The following NRXN1 variants were observed in gnomAD, a reference collection of about 807,000 sequenced individuals.
The protein encoded by NRXN1 is neurexin-1.
A neutral mutation model predicts 150.9 loss-of-function variants in NRXN1; 39 were observed. That is an observed-to-expected ratio of 0.26 (90% CI 0.20 to 0.34). The LOEUF (loss-of-function observed/expected upper bound fraction) is 0.34, where lower values mean the gene tolerates loss of function less well. NRXN1 is among the 10% of genes least tolerant of loss of function. The pLI, the probability that NRXN1 is intolerant of heterozygous loss-of-function variation, is 1.00. For synonymous variants in NRXN1, 924 were observed against 757.0 expected (o/e 1.22, Z -3.62); for missense variants, 1,815 against 1,949.9 (o/e 0.93, Z 1.30).
chr2:50,101,658 C>G (rs547790464), intron 18 of NRXN1, among the ~76,000 whole-genome samples: 82 of 152,084 alleles, frequency 5.4e-4, no homozygotes, highest in African/African-American at 1.9e-3. Context: ...GACGTGAAAA[C>G]ATATCAAGAG....
intron 2 of NRXN1, among the ~76,000 whole-genome samples, chr2:50,931,724 T>A (rs1273801238): frequency 2.0e-5 from 3 of 152,134 alleles, no homozygotes; most frequent in Admixed American, 6.6e-5. Context: ...TATTTACATG[T>A]GTCAGTTTAT....
chr2:51,026,251 AGCCACAAATGCCATTTATC>A, intron 2 of NRXN1: 1 of 686,572 alleles, frequency 1.5e-6, no homozygotes, highest in South Asian at 1.7e-5. Flanking sequence ...CACCCATTTC[AGCCACAAATGCCATTTATC>A]CATGTGTTGA....
chr2:50,347,755 A>C lies in NRXN1; in HGVS notation c.3365-110785T>G. 2.0e-6 allele frequency: 2 copies of C among 986,570 alleles called. No homozygotes were observed. The highest frequency in any genetic ancestry group is 2.4e-6 in the Non-Finnish European group (2 of 830,768). The allele number at this position is 986,570 out of a possible 1,614,324, so 61.1% of individuals were successfully genotyped here. A position where few individuals can be genotyped will look rare whatever the true frequency, so the allele number is the denominator to read the frequency against. The stretch of plus-strand genomic sequence containing the variant: ...GAAAAAGAAAAAGAAAAAGAAAAAA[A>C]GAAAAGAAAAACCACACACGCTGGT... On this transcript the variant is annotated intron_variant, in intron 17 of 22. Transcript: ENST00000401669. The surrounding 1 kb of genome is among the most constrained non-coding windows in gnomAD (Gnocchi z 4.9).
At chr2:50,465,634 C>A in intron 16 of NRXN1, 73 bp from the exon 17 acceptor site, 2 of 1,468,026 alleles carry the variant, frequency 1.4e-6, no homozygotes, top group Non-Finnish European at 1.8e-6. Flanking sequence ...AGCTAGATCA[C>A]ATGTAGTAGT....
chr2:50,843,770 A>C (rs1238641295), intron 5 of NRXN1, among the ~76,000 whole-genome samples: 2 of 152,168 alleles, frequency 1.3e-5, no homozygotes, highest in African/African-American at 4.8e-5. Context: ...AAAACTCCCA[A>C]AAGACTCATC....
intron 17 of NRXN1, among the ~76,000 whole-genome samples, chr2:50,382,775 A>G (rs1167323776): frequency 3.9e-5 from 6 of 152,248 alleles, no homozygotes; most frequent in African/African-American, 1.4e-4. Flanking sequence ...GAGTGGGAAG[A>G]CAGACATACG....
chr2:50,861,210 G>T lies in NRXN1; in HGVS notation c.832+60659C>A, dbSNP rs1481563897. ...TCACCATGGAATTCTAGAGCAGCAA[G>T]GAAGTGCAGATCTTATTATTTTGAG... On this transcript the variant is annotated intron_variant, in intron 5 of 22. Transcript: ENST00000401669. Among the ~76,000 whole-genome samples the T allele has an allele frequency of 2.6e-5, 4 of 152,096 alleles. No homozygotes were observed. The East Asian group carries it at 7.8e-4, about 30-fold the overall frequency.
intron 17 of NRXN1, among the ~76,000 whole-genome samples, chr2:50,407,226 T>C (rs1009531204): frequency 6.6e-6 from 1 of 152,210 alleles, no homozygotes; most frequent in African/African-American, 2.4e-5. Flanking sequence ...AAAGATCAAC[T>C]TCTTAAAACA....
intron 2 of NRXN1, among the ~76,000 whole-genome samples, chr2:50,990,888 G>C (rs879287807): frequency 3.3e-5 from 5 of 151,998 alleles, no homozygotes; most frequent in African/African-American, 1.2e-4. Context: ...TCTGGGATAA[G>C]TAACAACAGA....
intron 17 of NRXN1, among the ~76,000 whole-genome samples, chr2:50,369,659 G>C (rs1402122): frequency 0.57 from 85,929 of 151,758 alleles, 26,555 homozygotes; most frequent in East Asian, 0.92. Context: ...CCTGTTGTCT[G>C]AAACACCTAC....
intron 17 of NRXN1, among the ~76,000 whole-genome samples, chr2:50,276,003 G>A (rs71407587): frequency 0.02 from 1,876 of 94,830 alleles, 18 homozygotes; most frequent in Non-Finnish European, 0.029. Context: ...AAAAAAAAAA[G>A]CCCAGTCTGC....
At chr2:50,682,200 G>A (rs1184225432) in intron 5 of NRXN1, among the ~76,000 whole-genome samples, 1 of 152,096 alleles carries the variant, frequency 6.6e-6, no homozygotes, top group Non-Finnish European at 1.5e-5. Context: ...TTGCAAACTG[G>A]GTGAGACTAT....
At chr2:50,216,729 G>A (rs1323006628) in intron 18 of NRXN1, among the ~76,000 whole-genome samples, 1 of 151,986 alleles carries the variant, frequency 6.6e-6, no homozygotes, top group Non-Finnish European at 1.5e-5. Flanking sequence ...GCATATGCTA[G>A]TTGGGTGGAA....
At chr2:50,207,913 G>A (rs1191675295) in intron 18 of NRXN1, among the ~76,000 whole-genome samples, 1 of 152,044 alleles carries the variant, frequency 6.6e-6, no homozygotes, top group South Asian at 2.1e-4. Flanking sequence ...AGGGACACAA[G>A]CCTAGGTTGG....
chr2:50,983,811 C>T lies in NRXN1; in HGVS notation c.772+43691G>A, dbSNP rs138419574. On this transcript the variant is annotated intron_variant, in intron 2 of 22. Transcript: ENST00000401669. ...ATTTCATAGTGACTTTCACCTTCTT[C>T]AAGATACTTACTAGGAAGTATCTTA... Among the ~76,000 whole-genome samples, 675 of 152,140 alleles carry T rather than the reference C, an allele frequency of 4.4e-3. 3 individuals carry two copies. Among genetic ancestry groups the T allele is most frequent in the African/African-American group, 0.016 (651 of 41,542 alleles).
intron 21 of NRXN1, among the ~76,000 whole-genome samples, chr2:49,975,863 A>G (rs1678875399): frequency 6.6e-6 from 1 of 152,184 alleles, no homozygotes; most frequent in Non-Finnish European, 1.5e-5. Flanking sequence ...CTTCATCTGT[A>G]AAATACAATG....
At chr2:50,093,473 G>A (rs12713085) in intron 18 of NRXN1, among the ~76,000 whole-genome samples, 32 of 140,994 alleles carry the variant, frequency 2.3e-4, no homozygotes, top group East Asian at 8.4e-4. Context: ...AAAAGAAAAA[G>A]AAAAAAAAAA....
At chr2:50,528,542 C>G in intron 12 of NRXN1, 83 bp downstream of exon 12, 2 of 789,710 alleles carry the variant, frequency 2.5e-6, no homozygotes, top group Non-Finnish European at 4.2e-6. Flanking sequence ...ACACATTTCT[C>G]TTGCTCTCTC....
intron 5 of NRXN1, among the ~76,000 whole-genome samples, chr2:50,691,735 C>A (rs1221877733): frequency 6.6e-6 from 1 of 152,106 alleles, no homozygotes; most frequent in African/African-American, 2.4e-5. Flanking sequence ...ATCACCAGAT[C>A]TCTTTAGTTA....
Sources: gnomAD v4.1 joint callset for allele counts (sites outside exome capture counted in the v4.1 genomes callset) on GRCh38, gnomAD v4.1.1 for gene constraint, Gnocchi (gnomAD v3.1) non-coding constraint, MANE v1.5 for transcripts, NCBI Gene and HGNC (gene_info 2026-07-23, HGNC 2026-07-21) for gene names.